Variants in SS18L1 observed in about 807,000 individuals in gnomAD.
The protein encoded by SS18L1 is calcium-responsive transactivator.
In SS18L1, 32 loss-of-function variants were observed where a neutral mutation model predicts 70.3. The observed-to-expected ratio is 0.46, with a 90% CI of 0.34 to 0.61. SS18L1 has a LOEUF of 0.61. Ranked by LOEUF, SS18L1 falls within the 20% of genes least tolerant of loss-of-function variation. The probability of loss-of-function intolerance (pLI) is 0.01; values close to 1 mark genes in which losing one functional copy is unlikely to be tolerated. For missense variants in SS18L1, 430 were observed against 542.1 expected (o/e 0.79, Z 2.05); for synonymous variants, 237 against 229.7 (o/e 1.03, Z -0.29).
rs1276940971 is a variant in SS18L1, at chr20:62,181,432, T to G, written c.*2224T>G. The stretch of plus-strand genomic sequence containing the variant: ...ACATTTTAGATAACTGTGAAGATAG[T>G]TTATTTTTATTCCTTGCCAATCTGG... On this transcript the variant is annotated 3_prime_UTR_variant, in exon 11 of 11. Coordinates refer to ENST00000331758, the MANE Select transcript of SS18L1 (RefSeq NM_198935.3). 1 of 208,038 alleles carries G rather than the reference T, an allele frequency of 4.8e-6. No homozygotes were observed. The highest frequency in any genetic ancestry group is 9.8e-6 in the Non-Finnish European group (1 of 101,952). The allele number at this position is 208,038 out of a possible 1,614,324, so 12.9% of individuals were successfully genotyped here. A position where few individuals can be genotyped will look rare whatever the true frequency, so the allele number is the denominator to read the frequency against.
At position 62,151,978 on chromosome 20, in the gene SS18L1, G is replaced by C. The variant is rs556707475; in HGVS notation, c.70-6694G>C. On this transcript the variant is annotated intron_variant, in intron 1 of 10. Coordinates refer to ENST00000331758, the MANE Select transcript of SS18L1 (RefSeq NM_198935.3). ...CCTCCCCCGTTCCCCTCTTTTCCCG[G>C]TCCCCAGGGCTGGCCTCCCCCGTTC... is the stretch of plus-strand genomic sequence containing the variant. 3.3e-3 allele frequency among the ~76,000 whole-genome samples: 215 copies of C among 64,292 alleles called. 4 individuals are homozygous for C. The highest frequency in any genetic ancestry group is 9.5e-3 in the African/African-American group (143 of 15,118). 42.2% of individuals were successfully genotyped at this position (64,292 alleles called of 152,430 possible).
chr20:62,180,074 A>G lies in SS18L1; in HGVS notation c.*866A>G, dbSNP rs1201644579. The G allele has an allele frequency of 4.7e-6, 1 of 213,150 alleles. No homozygotes were observed. Among genetic ancestry groups the G allele is most frequent in the East Asian group, 7.0e-5 (1 of 14,226 alleles). 13.2% of individuals were successfully genotyped at this position (213,150 alleles called of 1,614,324 possible). ...GTCATTTCTGGGATTGGAATATTTA[A>G]TAAGCCCAATTCTAAGTTGATAGGT... is the stretch of plus-strand genomic sequence containing the variant. On this transcript the variant is annotated 3_prime_UTR_variant, in exon 11 of 11. Transcript: ENST00000331758.
At chr20:62,175,757 CCTT>C (rs543473371) in intron 10 of SS18L1, among the ~76,000 whole-genome samples, 162 of 152,356 alleles carry the variant, frequency 1.1e-3, no homozygotes, top group African/African-American at 3.5e-3. Flanking sequence ...TTCTCGTCCT[CCTT>C]CTTCAAGAGG....
In SS18L1 at chr20:62,159,911, C is replaced by G. The variant is rs1353261491; in HGVS notation, c.181C>G (p.Leu61Val). ...GATCCTGCACCGGAACCTGGTATAC[C>G]TGGCCACGATCGCAGACTCCAACCA... is the stretch of plus-strand genomic sequence containing the variant. ...QQILHRNLVY[L>V]ATIADSNQNM... is the part of the protein sequence containing the mutation. Residue 61 changes from leucine to valine, a missense_variant, in exon 3 of 11, where the codon CTG (leucine) becomes GTG (valine). Leu to Val is a conservative substitution (Grantham distance 32). Coordinates refer to ENST00000331758, the MANE Select transcript of SS18L1 (RefSeq NM_198935.3). This position sits in a 1 kb window ranked among gnomAD's most constrained non-coding sequence, Gnocchi z 4.4. The G allele has an allele frequency of 6.2e-7, 1 of 1,612,694 alleles. No individual in the cohort carries two copies. Among genetic ancestry groups the G allele is most frequent in the South Asian group, 1.1e-5 (1 of 91,028 alleles).
In SS18L1 at chr20:62,163,574, A is replaced by G; in HGVS notation, c.673A>G (p.Ser225Gly). 6.2e-7 allele frequency: 1 copy of G among 1,609,590 alleles called. No homozygotes were observed. ...GATGGGGCAGGGCAGCCAGGGGAGC[A>G]GCATGATGGGGCAGCGGCCCATGGC... ...AMMGQGSQGS[S>G]MMGQRPMAPY... Residue 225 changes from serine to glycine, a missense_variant, in exon 6 of 11, where the codon AGC becomes GGC. Physicochemically the swap from Ser to Gly is moderately conservative, Grantham distance 56. Coordinates refer to ENST00000331758, the MANE Select transcript of SS18L1 (RefSeq NM_198935.3).
At chr20:62,164,849 G>A (rs567050473) in intron 7 of SS18L1, among the ~76,000 whole-genome samples, 2 of 152,278 alleles carry the variant, frequency 1.3e-5, no homozygotes, top group Admixed American at 6.5e-5. Context: ...AGCCATGATC[G>A]CACCACCACA....
Position 62,161,381 on chromosome 20 carries a change from A to T in SS18L1, c.232-55A>T, listed in dbSNP as rs200848812. The T allele has an allele frequency of 5.6e-6, 9 of 1,611,574 alleles. No homozygotes were observed. Among genetic ancestry groups the T allele is most frequent in the Non-Finnish European group, 6.8e-6 (8 of 1,179,566 alleles). ...CTCTCATCCCTGGCCTGGCTTGTGG[A>T]GGTCGCTCTCCGTAAATTAACCGTT... On this transcript the variant is annotated intron_variant, in intron 3 of 10. Transcript: ENST00000331758. This position sits in a 1 kb window ranked among gnomAD's most constrained non-coding sequence, Gnocchi z 4.4.
chr20:62,144,264 C>A (rs1028207335), intron 1 of SS18L1, among the ~76,000 whole-genome samples: 1 of 151,560 alleles, frequency 6.6e-6, no homozygotes, highest in Non-Finnish European at 1.5e-5. Context: ...CACGGGGACC[C>A]CTCGGGGCCG....
rs554320228 is a variant in SS18L1 at position 62,166,547 on chromosome 20, G to A, written c.916+1033G>A. 1.6e-4 allele frequency among the ~76,000 whole-genome samples: 25 copies of A among 152,244 alleles called. No homozygotes were observed. In the East Asian group the frequency reaches 2.7e-3, roughly 16 times the overall value. ...ATAGAAACATCACGGTGTGCGCTAC[G>A]AATGCCTGCAACGTTGAAATGTCAG... On this transcript the variant is annotated intron_variant, in intron 8 of 10. Coordinates refer to ENST00000331758, the MANE Select transcript of SS18L1 (RefSeq NM_198935.3).
At chr20:62,157,873 G>A (rs569297400) in intron 1 of SS18L1, among the ~76,000 whole-genome samples, 111 of 143,902 alleles carry the variant, frequency 7.7e-4, no homozygotes, top group African/African-American at 2.5e-3. Context: ...CCCCCACGCC[G>A]GCCTGTGTGT....
At chr20:62,170,750 C>T (rs1234887812) in intron 8 of SS18L1, among the ~76,000 whole-genome samples, 1 of 152,256 alleles carries the variant, frequency 6.6e-6, no homozygotes, top group African/African-American at 2.4e-5. Context: ...CACTAGATCG[C>T]CTGAGCACCC....
At chr20:62,146,149 T>C (rs922699447) in intron 1 of SS18L1, among the ~76,000 whole-genome samples, 3 of 152,218 alleles carry the variant, frequency 2.0e-5, no homozygotes, top group African/African-American at 7.2e-5. Context: ...GCATTCTGTG[T>C]GGGTGGAGAT....
intron 3 of SS18L1, among the ~76,000 whole-genome samples, chr20:62,160,524 G>A (rs865898849): frequency 6.6e-6 from 1 of 152,136 alleles, no homozygotes; most frequent in Non-Finnish European, 1.5e-5. Context: ...AACATGCCCA[G>A]CACAGTAAAT....
intron 3 of SS18L1, 50 bp downstream of exon 3, chr20:62,160,011 A>G (rs867356665): frequency 6.5e-7 from 1 of 1,538,890 alleles, no homozygotes; most frequent in Middle Eastern, 1.7e-4. Flanking sequence ...GGACTCCGAC[A>G]CTGCCTAAGA....
chr20:62,161,429 C>T lies in SS18L1; in HGVS notation c.232-7C>T. 1 of 1,612,852 alleles carries T rather than the reference C, an allele frequency of 6.2e-7. No homozygotes were observed. Among genetic ancestry groups the T allele is most frequent in the Non-Finnish European group, 8.5e-7 (1 of 1,180,002 alleles). ...GTTTTTCCCTGAAAACTTCCTGTTG[C>T]CTGCAGCCGCCCACGCAGAACATGA... On this transcript the variant is annotated splice_region_variant and splice_polypyrimidine_tract_variant and intron_variant, in intron 3 of 10. Coordinates refer to ENST00000331758, the MANE Select transcript of SS18L1 (RefSeq NM_198935.3). The surrounding 1 kb of genome is among the most constrained non-coding windows in gnomAD (Gnocchi z 4.4).
chr20:62,162,963 C>T (rs886654067), intron 5 of SS18L1, 32 bp downstream of exon 5: 3 of 1,604,016 alleles, frequency 1.9e-6, no homozygotes, highest in Non-Finnish European at 2.6e-6. Context: ...CCCCGGGGGG[C>T]CTGGGCCTGC....
rs113512555 is a variant in SS18L1, at chr20:62,179,339, G to C, written c.*131G>C. ...CCAGTGCCACGTCTGCATGTGAAGC[G>C]TGCTCATTTCATGCTGGGTATGACG... On this transcript the variant is annotated 3_prime_UTR_variant, in exon 11 of 11. Coordinates refer to ENST00000331758, the MANE Select transcript of SS18L1 (RefSeq NM_198935.3). 2 of 1,001,760 alleles carry C rather than the reference G, an allele frequency of 2.0e-6. No individual in the cohort carries two copies. The highest frequency in any genetic ancestry group is 1.9e-5 in the Admixed American group (1 of 51,570). 62.1% of individuals were successfully genotyped at this position (1,001,760 alleles called of 1,614,324 possible). A position where few individuals can be genotyped will look rare whatever the true frequency, so the allele number is the denominator to read the frequency against.
At chr20:62,145,636 G>T (rs2057011861) in intron 1 of SS18L1, among the ~76,000 whole-genome samples, 1 of 152,202 alleles carries the variant, frequency 6.6e-6, no homozygotes, top group Non-Finnish European at 1.5e-5. Context: ...CCGAACATCA[G>T]ATCAGAAAGG....
Position 62,180,474 on chromosome 20 carries a change from A to T in SS18L1, c.*1266A>T, listed in dbSNP as rs947743561. 6 of 182,986 alleles carry T rather than the reference A, an allele frequency of 3.3e-5. No homozygotes were observed. The highest frequency in any genetic ancestry group is 1.4e-4 in the African/African-American group (6 of 42,560). 11.3% of individuals were successfully genotyped at this position (182,986 alleles called of 1,614,324 possible). ...ATTCATATTTGCTATGAATCCTTTT[A>T]AAAAAATCTTTGGATAAATGCTGAC... On this transcript the variant is annotated 3_prime_UTR_variant, in exon 11 of 11. Coordinates refer to ENST00000331758, the MANE Select transcript of SS18L1 (RefSeq NM_198935.3).
Sources: gnomAD v4.1 joint callset for allele counts (sites outside exome capture counted in the v4.1 genomes callset) on GRCh38, gnomAD v4.1.1 for gene constraint, Gnocchi (gnomAD v3.1) non-coding constraint, MANE v1.5 for transcripts, NCBI Gene and HGNC (gene_info 2026-07-23, HGNC 2026-07-21) for gene names.